The following CCDC85A variants were observed in gnomAD, a reference collection of about 807,000 sequenced individuals.
The protein encoded by CCDC85A is coiled-coil domain containing 85A.
A neutral mutation model predicts 50.2 loss-of-function variants in CCDC85A; 38 were observed. The observed-to-expected ratio is 0.76, with a 90% CI of 0.58 to 0.99. CCDC85A has a LOEUF of 0.99. Ranked by LOEUF, CCDC85A falls within the 50% of genes least tolerant of loss-of-function variation. The pLI is 0.00. For synonymous variants in CCDC85A, 366 were observed against 301.4 expected (o/e 1.21, Z -2.22); for missense variants, 820 against 742.0 (o/e 1.11, Z -1.22).
At chr2:56,297,347 C>G (rs759008164) in intron 2 of CCDC85A, among the ~76,000 whole-genome samples, 2 of 151,200 alleles carry the variant, frequency 1.3e-5, no homozygotes, top group Non-Finnish European at 2.9e-5. Context: ...GCTTTGAAGA[C>G]CACATCTTTC....
intron 2 of CCDC85A, among the ~76,000 whole-genome samples, chr2:56,281,391 C>G (rs1384712963): frequency 1.3e-5 from 2 of 152,080 alleles, no homozygotes; most frequent in African/African-American, 2.4e-5. Flanking sequence ...CATGGACATA[C>G]AAGTCTTTTT....
At chr2:56,189,247 A>G (rs1676187706) in intron 1 of CCDC85A, among the ~76,000 whole-genome samples, 1 of 149,204 alleles carries the variant, frequency 6.7e-6, no homozygotes, top group South Asian at 2.1e-4. Context: ...AGGAAAGGTG[A>G]TGGGGATTGA....
At chr2:56,288,698 C>CG (rs34156192) in intron 2 of CCDC85A, among the ~76,000 whole-genome samples, 16,542 of 151,884 alleles carry the variant, frequency 0.11, 1,087 homozygotes, top group Admixed American at 0.19. Flanking sequence ...ATGCCCCCCC[C>CG]ACCCCAAAAA....
At chr2:56,360,917 G>A (rs1307875527) in intron 3 of CCDC85A, among the ~76,000 whole-genome samples, 1 of 152,210 alleles carries the variant, frequency 6.6e-6, no homozygotes, top group African/African-American at 2.4e-5. Flanking sequence ...TAATTAGTGG[G>A]CTTCCACTGC....
intron 2 of CCDC85A, among the ~76,000 whole-genome samples, chr2:56,285,350 T>A (rs1251513062): frequency 6.6e-6 from 1 of 150,758 alleles, no homozygotes; most frequent in Non-Finnish European, 1.5e-5. Flanking sequence ...GTGATCCACC[T>A]ACCTTGGCCT....
At chr2:56,191,025 G>T (rs1179251124) in intron 1 of CCDC85A, among the ~76,000 whole-genome samples, 1 of 152,110 alleles carries the variant, frequency 6.6e-6, no homozygotes, top group Non-Finnish European at 1.5e-5. Context: ...CTTGCTCTCT[G>T]TTCTTTAGAC....
chr2:56,275,988 G>A (rs190864104), intron 2 of CCDC85A, among the ~76,000 whole-genome samples: 9 of 152,256 alleles, frequency 5.9e-5, no homozygotes, highest in Admixed American at 5.2e-4. Flanking sequence ...GCCTCATGAT[G>A]TTTCCTCACC....
At chr2:56,358,560 T>G (rs1675353059) in intron 3 of CCDC85A, among the ~76,000 whole-genome samples, 1 of 152,180 alleles carries the variant, frequency 6.6e-6, no homozygotes, top group Non-Finnish European at 1.5e-5. Context: ...GGGCCATATG[T>G]TCTGCTTCAG....
chr2:56,371,033 G>A (rs1315793009), intron 3 of CCDC85A, among the ~76,000 whole-genome samples: 1 of 152,046 alleles, frequency 6.6e-6, no homozygotes, highest in African/African-American at 2.4e-5. Flanking sequence ...ATAAATTTTT[G>A]GAGATAATTC....
chr2:56,224,802 A>G (rs1014903943), intron 2 of CCDC85A, among the ~76,000 whole-genome samples: 2 of 152,042 alleles, frequency 1.3e-5, no homozygotes, highest in Non-Finnish European at 2.9e-5. Context: ...TCTTTTTATT[A>G]TTGAGTTATA....
At chr2:56,363,796 A>T (rs979966264) in intron 3 of CCDC85A, among the ~76,000 whole-genome samples, 3 of 152,200 alleles carry the variant, frequency 2.0e-5, no homozygotes, top group African/African-American at 7.2e-5. Context: ...TGCAAGTCAG[A>T]TGCAATGTTA....
intron 2 of CCDC85A, among the ~76,000 whole-genome samples, chr2:56,300,946 T>C (rs1296682723): frequency 1.3e-5 from 2 of 152,206 alleles, no homozygotes; most frequent in Non-Finnish European, 2.9e-5. Flanking sequence ...CTCCGAAGTT[T>C]AGTCTTAAGT....
intron 3 of CCDC85A, among the ~76,000 whole-genome samples, chr2:56,370,039 T>C (rs1675997361): frequency 1.3e-5 from 2 of 152,150 alleles, no homozygotes; most frequent in Admixed American, 6.6e-5. Flanking sequence ...GTTAGGGTCA[T>C]TCAGGGATTC....
chr2:56,282,937 G>A (rs1671270892), intron 2 of CCDC85A, among the ~76,000 whole-genome samples: 1 of 152,014 alleles, frequency 6.6e-6, no homozygotes, highest in Non-Finnish European at 1.5e-5. Context: ...ATTGTTAATG[G>A]TACTAAAATG....
intron 3 of CCDC85A, among the ~76,000 whole-genome samples, chr2:56,351,516 G>T (rs1274201740): frequency 7.1e-6 from 1 of 141,028 alleles, no homozygotes; most frequent in Non-Finnish European, 1.5e-5. Context: ...AGCACTTGTT[G>T]TCTCCTGACT....
intron 2 of CCDC85A, among the ~76,000 whole-genome samples, chr2:56,204,910 G>A (rs570399900): frequency 2.0e-5 from 3 of 152,260 alleles, no homozygotes; most frequent in South Asian, 4.2e-4. Context: ...CTCGGCAAAC[G>A]GGGAGCTAAA....
At chr2:56,357,852 G>C (rs892117139) in intron 3 of CCDC85A, among the ~76,000 whole-genome samples, 1 of 152,108 alleles carries the variant, frequency 6.6e-6, no homozygotes, top group African/African-American at 2.4e-5. Context: ...TGTGTCATCA[G>C]TTCCAACCTG....
chr2:56,267,770 A>T (rs6727111), intron 2 of CCDC85A, among the ~76,000 whole-genome samples: 2 of 151,762 alleles, frequency 1.3e-5, no homozygotes, highest in African/African-American at 2.4e-5. Flanking sequence ...TGAACTTCTG[A>T]ATAGAATTAC....
chr2:56,276,534 T>C (rs1670952937), intron 2 of CCDC85A, among the ~76,000 whole-genome samples: 2 of 152,088 alleles, frequency 1.3e-5, no homozygotes, highest in African/African-American at 4.8e-5. Context: ...ATCTGATGGT[T>C]TCATGAGGGG....
Sources: gnomAD v4.1 joint callset for allele counts (sites outside exome capture counted in the v4.1 genomes callset) on GRCh38, gnomAD v4.1.1 for gene constraint, MANE v1.5 for transcripts, NCBI Gene and HGNC (gene_info 2026-07-23, HGNC 2026-07-21) for gene names.